The following DCLK1 variants were observed in gnomAD, a reference collection of about 807,000 sequenced individuals.
DCLK1 encodes the protein serine/threonine-protein kinase DCLK1.
In DCLK1, 16 loss-of-function variants were observed where a neutral mutation model predicts 86.2. The observed-to-expected ratio is 0.19, with a 90% CI of 0.13 to 0.28. DCLK1 has a LOEUF of 0.28. Among genes scored for constraint, DCLK1 ranks in the 10% least tolerant of loss-of-function variants. The pLI, the probability that DCLK1 is intolerant of heterozygous loss-of-function variation, is 1.00. For missense variants in DCLK1, 590 were observed against 940.2 expected, an observed-to-expected ratio of 0.63 and a Z score of 4.87; for synonymous variants, 369 against 370.5, an observed-to-expected ratio of 1.00 and a Z score of 0.05.
chr13:36,046,669 C>T (rs1882926132), intron 3 of DCLK1, among the ~76,000 whole-genome samples: 1 of 152,208 alleles, frequency 6.6e-6, no homozygotes, highest in African/African-American at 2.4e-5. Context: ...GTTATGACCC[C>T]ATTCCTGTAA....
At chr13:35,837,892 C>T (rs1869501524) in intron 7 of DCLK1, among the ~76,000 whole-genome samples, 1 of 151,790 alleles carries the variant, frequency 6.6e-6, no homozygotes, top group Non-Finnish European at 1.5e-5. Flanking sequence ...ATGGAAAAAT[C>T]CCATTTCTAC....
At chr13:35,800,398 G>C (rs2086895329) in intron 15 of DCLK1, among the ~76,000 whole-genome samples, 2 of 152,202 alleles carry the variant, frequency 1.3e-5, no homozygotes. Flanking sequence ...AGGTGAGTAA[G>C]CTGATGCTCC....
chr13:35,834,968 A>G (rs1024996376), intron 8 of DCLK1, among the ~76,000 whole-genome samples: 2 of 152,194 alleles, frequency 1.3e-5, no homozygotes, highest in Non-Finnish European at 2.9e-5. Context: ...CCAGGAGCAC[A>G]TAAGTGACTA....
At chr13:35,991,223 G>A (rs1445823703) in intron 3 of DCLK1, among the ~76,000 whole-genome samples, 2 of 152,158 alleles carry the variant, frequency 1.3e-5, no homozygotes, top group African/African-American at 4.8e-5. Context: ...GCCTTGCTAA[G>A]TTCCCCCCAC....
At chr13:35,792,466 G>C (rs2086725399) in intron 16 of DCLK1, among the ~76,000 whole-genome samples, 2 of 152,118 alleles carry the variant, frequency 1.3e-5, no homozygotes, top group Admixed American at 1.3e-4. Context: ...TCATGAGTGA[G>C]AGGTGCTGTT....
At chr13:35,811,238 C>T (rs1299966987) in intron 11 of DCLK1, among the ~76,000 whole-genome samples, 6 of 151,414 alleles carry the variant, frequency 4.0e-5, no homozygotes, top group East Asian at 1.9e-4. Flanking sequence ...CTTAAAATGG[C>T]GATACAGGTT....
chr13:35,777,062 G>A (rs1364311901), intron 16 of DCLK1, among the ~76,000 whole-genome samples: 1 of 152,134 alleles, frequency 6.6e-6, no homozygotes, highest in Non-Finnish European at 1.5e-5. Context: ...TGTCCCTGTT[G>A]AAGTAGTCAG....
intron 14 of DCLK1, 120 bp from the exon 15 acceptor site, chr13:35,805,899 T>C: frequency 1.3e-6 from 1 of 780,178 alleles, no homozygotes; most frequent in South Asian, 2.3e-5. Flanking sequence ...AAATCTTAAA[T>C]ACATCAACTC....
intron 3 of DCLK1, among the ~76,000 whole-genome samples, chr13:36,063,901 G>A (rs1198586118): frequency 6.6e-6 from 1 of 152,100 alleles, no homozygotes; most frequent in Non-Finnish European, 1.5e-5. Flanking sequence ...TTAATGATGA[G>A]TTGGGATTGT....
intron 3 of DCLK1, among the ~76,000 whole-genome samples, chr13:36,073,909 C>T (rs891387724): frequency 9.2e-5 from 14 of 152,102 alleles, no homozygotes; most frequent in African/African-American, 3.1e-4. Context: ...GTTCAAAAAT[C>T]GGTATAACTC....
rs1284872928 is a variant in DCLK1 at position 36,125,891 on chromosome 13, A to T, written c.247T>A (p.Ser83Thr). Residue 83 changes from serine to threonine, a missense_variant, in exon 2 of 17, where the codon TCT (serine) becomes ACT (threonine). Coordinates refer to ENST00000360631, the MANE Select transcript of DCLK1 (RefSeq NM_001330071.2). ...AAATCAGCCAGCAGGGCCTCAAAAG[A>T]TCGGAACCGGTCTGGGGAGATGGCA... Reference protein sequence around the residue: ...VYAISPDRFRSFEALLADLTR... With the variant: ...VYAISPDRFRTFEALLADLTR... The T allele has an allele frequency of 1.9e-6, 3 of 1,614,206 alleles. No homozygotes were observed. The highest frequency in any genetic ancestry group is 2.5e-6 in the Non-Finnish European group (3 of 1,180,030).
At chr13:36,041,515 C>A (rs1882701940) in intron 3 of DCLK1, among the ~76,000 whole-genome samples, 1 of 152,162 alleles carries the variant, frequency 6.6e-6, no homozygotes, top group Non-Finnish European at 1.5e-5. Flanking sequence ...GCACCTCCAC[C>A]CCCTTGAGTG....
At position 35,895,980 on chromosome 13, in the gene DCLK1, C is replaced by T. The variant is rs967784618; in HGVS notation, c.824-24640G>A. Among the ~76,000 whole-genome samples the T allele has an allele frequency of 3.3e-5, 5 of 151,678 alleles. No homozygotes were observed. The South Asian group carries it at 1.0e-3, about 32-fold the overall frequency. On this transcript the variant is annotated intron_variant, in intron 4 of 16. Transcript: ENST00000360631. ...CACATAAACCTAAAACTCTCTCTAA[C>T]AAAAATTGCTATTTTTCTCCTCCAA...
intron 3 of DCLK1, among the ~76,000 whole-genome samples, chr13:36,019,773 G>C (rs1881691850): frequency 6.6e-6 from 1 of 152,204 alleles, no homozygotes. Context: ...AATGTAAGCA[G>C]TACTGAGTTT....
chr13:35,772,686 CA>C lies in DCLK1; in HGVS notation c.*1848del, dbSNP rs2086355613. On this transcript the variant is annotated 3_prime_UTR_variant, in exon 17 of 17. Transcript: ENST00000360631. ...CTCTAAAAGGGGGGGAAAAAAACCT[CA>C]ATAAACGATATGCTTTTTACATGTC... is the stretch of plus-strand genomic sequence containing the variant. 6.6e-6 allele frequency: 1 copy of C among 151,312 alleles called. No homozygotes were observed. Among genetic ancestry groups the C allele is most frequent in the Non-Finnish European group, 1.5e-5 (1 of 67,976 alleles). 9.4% of individuals were successfully genotyped at this position (151,312 alleles called of 1,614,324 possible).
intron 3 of DCLK1, among the ~76,000 whole-genome samples, chr13:36,005,573 C>T (rs1200007853): frequency 6.6e-6 from 1 of 152,196 alleles, no homozygotes; most frequent in East Asian, 1.9e-4. Flanking sequence ...CCATAGGTAT[C>T]TCTGGAAAAC....
intron 3 of DCLK1, among the ~76,000 whole-genome samples, chr13:36,087,999 T>C (rs533660426): frequency 5.3e-5 from 8 of 152,314 alleles, no homozygotes; most frequent in Admixed American, 2.6e-4. Context: ...ACAACAATGT[T>C]TTTTAAAACC....
In DCLK1 at chr13:36,035,767, G is replaced by A. The variant is rs535383084; in HGVS notation, c.723+76102C>T. Among the ~76,000 whole-genome samples the A allele has an allele frequency of 6.6e-5, 10 of 152,174 alleles. No individual in the cohort carries two copies. The South Asian group carries it at 1.2e-3, about 19-fold the overall frequency. Reference sequence around the variant, plus strand: ...TTACTTTTGTCACTGGCAAAAGTACGTACATACTTTTTTAGGTATCCTTAC... The same window carrying A: ...TTACTTTTGTCACTGGCAAAAGTACATACATACTTTTTTAGGTATCCTTAC... On this transcript the variant is annotated intron_variant, in intron 3 of 16. Transcript: ENST00000360631.
At position 36,069,876 on chromosome 13, in the gene DCLK1, A is replaced by G. The variant is rs1425078168; in HGVS notation, c.723+41993T>C. On this transcript the variant is annotated intron_variant, in intron 3 of 16. Coordinates refer to ENST00000360631, the MANE Select transcript of DCLK1 (RefSeq NM_001330071.2). ...AACTTGGTGCTATACCTTAAAATTA[A>G]CACTAGAGCAACAGCATCCATCAGC... is the stretch of plus-strand genomic sequence containing the variant. 1.9e-4 allele frequency among the ~76,000 whole-genome samples: 29 copies of G among 152,300 alleles called. No individual in the cohort carries two copies. The East Asian group carries it at 4.8e-3, about 25-fold the overall frequency.
Sources: gnomAD v4.1 joint callset for allele counts (sites outside exome capture counted in the v4.1 genomes callset) on GRCh38, gnomAD v4.1.1 for gene constraint, MANE v1.5 for transcripts, NCBI Gene and HGNC (gene_info 2026-07-23, HGNC 2026-07-21) for gene names.